MIPOL1: variants seen among roughly 807,000 people sequenced by gnomAD.
MIPOL1 encodes mirror-image polydactyly gene 1 protein.
Under a neutral mutation model 60.9 loss-of-function variants are expected in MIPOL1, and 57 were observed. The ratio of observed to expected loss-of-function variants is 0.94; its 90% CI spans 0.76 to 1.17. The LOEUF (loss-of-function observed/expected upper bound fraction) is 1.17, where lower values mean the gene tolerates loss of function less well. Ranked by LOEUF, MIPOL1 falls within the 50% of genes most tolerant of loss-of-function variation. The pLI is 0.00. For synonymous variants in MIPOL1, 179 were observed against 168.8 expected (o/e 1.06, Z -0.47); for missense variants, 551 against 511.6 (o/e 1.08, Z -0.74).
intron 9 of MIPOL1, among the ~76,000 whole-genome samples, chr14:37,348,487 C>T (rs896728082): frequency 4.6e-5 from 7 of 151,748 alleles, no homozygotes; most frequent in Admixed American, 4.6e-4. Context: ...AAAAAGCATG[C>T]AATAAAATTA....
At chr14:37,220,544 A>C (rs1332740855) in intron 1 of MIPOL1, among the ~76,000 whole-genome samples, 1 of 152,184 alleles carries the variant, frequency 6.6e-6, no homozygotes, top group East Asian at 1.9e-4. Context: ...AGAACATTTT[A>C]TTCAGTGGCA....
chr14:37,506,210 C>T (rs980656471), intron 12 of MIPOL1: 1 of 152,186 alleles, frequency 6.6e-6, no homozygotes, highest in African/African-American at 2.4e-5. Context: ...CCATTCCCAT[C>T]AAGCTACCAA....
At chr14:37,298,322 A>G (rs191688054) in intron 7 of MIPOL1, among the ~76,000 whole-genome samples, 8 of 152,124 alleles carry the variant, frequency 5.3e-5, no homozygotes, top group African/African-American at 1.9e-4. Context: ...AAAGACTTAC[A>G]TGTTAGACCT....
At chr14:37,292,116 G>A (rs1188518248) in intron 7 of MIPOL1, among the ~76,000 whole-genome samples, 4 of 151,472 alleles carry the variant, frequency 2.6e-5, no homozygotes, top group East Asian at 2.0e-4. Context: ...TAGTAGAGAC[G>A]GGGTTTCGCT....
intron 11 of MIPOL1, among the ~76,000 whole-genome samples, chr14:37,446,451 T>C (rs2094336542): frequency 6.6e-6 from 1 of 151,964 alleles, no homozygotes; most frequent in African/African-American, 2.4e-5. Context: ...TGTGGAGAAA[T>C]AGGAACACTT....
intron 3 of MIPOL1, among the ~76,000 whole-genome samples, chr14:37,257,603 A>C (rs1438659618): frequency 6.6e-6 from 1 of 152,146 alleles, no homozygotes; most frequent in Non-Finnish European, 1.5e-5. Context: ...TGGATCTGGA[A>C]ATCATAGCTA....
chr14:37,255,150 A>G (rs1436766702), intron 3 of MIPOL1, among the ~76,000 whole-genome samples: 1 of 151,840 alleles, frequency 6.6e-6, no homozygotes, highest in Non-Finnish European at 1.5e-5. Context: ...CATATTTACA[A>G]CATGCAGCTT....
At chr14:37,465,125 G>C (rs1455220755) in intron 11 of MIPOL1, among the ~76,000 whole-genome samples, 1 of 152,084 alleles carries the variant, frequency 6.6e-6, no homozygotes. Context: ...GTCTTCAGGA[G>C]GCATAAACCA....
rs74917212 is a variant in MIPOL1 at position 37,409,132 on chromosome 14, G to A, written c.937-13723G>A. On this transcript the variant is annotated intron_variant, in intron 10 of 12. Coordinates refer to ENST00000684589, the MANE Select transcript of MIPOL1 (RefSeq NM_001388067.1). ...AGACACAAGTACTCCTTGGAGGAAG[G>A]CACCCCCAGTTTAGTCCAGCAGGAT... 5.9e-3 allele frequency among the ~76,000 whole-genome samples: 905 copies of A among 152,184 alleles called. 4 individuals carry two copies. The highest frequency in any genetic ancestry group is 0.01 in the Non-Finnish European group (703 of 68,008).
chr14:37,458,969 GA>G (rs2094508571), intron 11 of MIPOL1, among the ~76,000 whole-genome samples: 1 of 152,006 alleles, frequency 6.6e-6, no homozygotes, highest in Admixed American at 6.5e-5. Flanking sequence ...TGAAACAAAT[GA>G]AAATAGAGAC....
At chr14:37,213,798 T>A (rs962699417) in intron 1 of MIPOL1, among the ~76,000 whole-genome samples, 2 of 152,052 alleles carry the variant, frequency 1.3e-5, no homozygotes, top group Non-Finnish European at 2.9e-5. Context: ...CAAAGGTCAG[T>A]GATAAAGAAT....
At chr14:37,386,140 T>C (rs1595526100) in intron 10 of MIPOL1, among the ~76,000 whole-genome samples, 2 of 152,094 alleles carry the variant, frequency 1.3e-5, no homozygotes, top group Non-Finnish European at 1.5e-5. Context: ...TAAATAATTA[T>C]ATGGTACATT....
At chr14:37,246,324 A>G (rs577663713) in intron 1 of MIPOL1, among the ~76,000 whole-genome samples, 1 of 152,110 alleles carries the variant, frequency 6.6e-6, no homozygotes, top group Non-Finnish European at 1.5e-5. Context: ...TATGAAATAG[A>G]TGTAGTTTGG....
intron 3 of MIPOL1, among the ~76,000 whole-genome samples, chr14:37,261,998 G>A (rs2082545180): frequency 6.6e-6 from 1 of 151,706 alleles, no homozygotes; most frequent in East Asian, 1.9e-4. Flanking sequence ...CACATATTAG[G>A]CAGATCTACT....
intron 11 of MIPOL1, among the ~76,000 whole-genome samples, chr14:37,425,743 A>G (rs2093950019): frequency 6.6e-6 from 1 of 152,212 alleles, no homozygotes; most frequent in African/African-American, 2.4e-5. Context: ...CAGAACCAAA[A>G]AATATATCAC....
chr14:37,266,597 C>A (rs182233099), intron 3 of MIPOL1, among the ~76,000 whole-genome samples: 36 of 152,192 alleles, frequency 2.4e-4, no homozygotes, highest in Admixed American at 2.4e-3. Context: ...TTTTAAAAAA[C>A]TCTTAGGCCC....
At chr14:37,396,830 T>C (rs930231309) in intron 10 of MIPOL1, 4 of 152,194 alleles carry the variant, frequency 2.6e-5, no homozygotes, top group Admixed American at 6.5e-5. Flanking sequence ...GAAGTTTTGA[T>C]TGTTTTTTCT....
intron 10 of MIPOL1, among the ~76,000 whole-genome samples, chr14:37,411,778 T>C (rs562432930): frequency 9.8e-5 from 15 of 152,298 alleles, no homozygotes; most frequent in African/African-American, 3.6e-4. Context: ...TAGTCTAGAC[T>C]ACCACATGGC....
intron 11 of MIPOL1, among the ~76,000 whole-genome samples, chr14:37,425,070 C>T (rs2093937899): frequency 6.6e-6 from 1 of 152,130 alleles, no homozygotes; most frequent in Admixed American, 6.5e-5. Flanking sequence ...CACATGAATG[C>T]CATGTGGTTT....
Sources: gnomAD v4.1 joint callset for allele counts (sites outside exome capture counted in the v4.1 genomes callset) on GRCh38, gnomAD v4.1.1 for gene constraint, MANE v1.5 for transcripts, NCBI Gene and HGNC (gene_info 2026-07-23, HGNC 2026-07-21) for gene names.